FAT3: variants seen among roughly 807,000 people sequenced by gnomAD.
FAT3 encodes the protein protocadherin Fat 3.
A neutral mutation model predicts 310.2 loss-of-function variants in FAT3; 95 were observed. The observed-to-expected ratio is 0.31, with a 90% CI of 0.26 to 0.36. FAT3 has a LOEUF of 0.36. Among genes scored for constraint, FAT3 ranks in the 10% least tolerant of loss-of-function variants. The probability of loss-of-function intolerance (pLI) is 1.00; values close to 1 mark genes in which losing one functional copy is unlikely to be tolerated. For synonymous variants in FAT3, 2,314 were observed against 2,192.9 expected (o/e 1.06, Z -1.54); for missense variants, 5,408 against 5,715.6 (o/e 0.95, Z 1.74).
At chr11:92,316,750 G>T (rs1298298680) in intron 1 of FAT3, among the ~76,000 whole-genome samples, 1 of 152,116 alleles carries the variant, frequency 6.6e-6, no homozygotes, top group African/African-American at 2.4e-5. Flanking sequence ...ACTCTATTTA[G>T]ATCCTAGGTC....
intron 3 of FAT3, among the ~76,000 whole-genome samples, chr11:92,589,224 A>G (rs1326750954): frequency 6.6e-6 from 1 of 152,088 alleles, no homozygotes; most frequent in African/African-American, 2.4e-5. Context: ...TGGAAGTCAC[A>G]TTCCTTTGGC....
At chr11:92,267,008 T>G (rs1475299437) in intron 1 of FAT3, among the ~76,000 whole-genome samples, 5 of 152,170 alleles carry the variant, frequency 3.3e-5, no homozygotes, top group African/African-American at 1.2e-4. Flanking sequence ...ACTTTGCCAC[T>G]GCTCCAGTCT....
chr11:92,598,230 A>ATATATTTT (rs756896313), intron 3 of FAT3, among the ~76,000 whole-genome samples: 7 of 134,450 alleles, frequency 5.2e-5, no homozygotes, highest in African/African-American at 1.7e-4. Flanking sequence ...ATATATATAT[A>ATATATTTT]TTTTTTTTTT....
intron 3 of FAT3, among the ~76,000 whole-genome samples, chr11:92,555,563 A>C (rs554214062): frequency 6.6e-6 from 1 of 152,210 alleles, no homozygotes; most frequent in South Asian, 2.1e-4. Flanking sequence ...CCTTCTGGTC[A>C]TTTCCTTTTC....
intron 2 of FAT3, among the ~76,000 whole-genome samples, chr11:92,454,340 A>G (rs931134130): frequency 3.3e-5 from 5 of 152,182 alleles, no homozygotes; most frequent in African/African-American, 1.2e-4. Flanking sequence ...TCTAGTTGCA[A>G]AAACATGGAT....
At chr11:92,834,291 G>T (rs999237975) in intron 14 of FAT3, among the ~76,000 whole-genome samples, 1 of 152,196 alleles carries the variant, frequency 6.6e-6, no homozygotes, top group African/African-American at 2.4e-5. Flanking sequence ...TGGGCTGTTT[G>T]ATTTCCAGGT....
intron 3 of FAT3, among the ~76,000 whole-genome samples, chr11:92,696,043 A>G (rs960426460): frequency 3.3e-5 from 5 of 152,170 alleles, no homozygotes; most frequent in African/African-American, 1.2e-4. Context: ...GGTGATGGAT[A>G]TGTTAATTCA....
intron 2 of FAT3, among the ~76,000 whole-genome samples, chr11:92,446,532 A>AG (rs1275595181): frequency 6.6e-6 from 1 of 152,214 alleles, no homozygotes; most frequent in African/African-American, 2.4e-5. Context: ...ATATCAAGTT[A>AG]GAATAAGCTT....
chr11:92,444,067 T>TC (rs976602831), intron 2 of FAT3, among the ~76,000 whole-genome samples: 3 of 152,218 alleles, frequency 2.0e-5, no homozygotes, highest in African/African-American at 7.2e-5. Flanking sequence ...GACATTTTTT[T>TC]CTACCAAAAT....
At chr11:92,810,847 G>T (rs924004854) in intron 13 of FAT3, among the ~76,000 whole-genome samples, 5 of 152,172 alleles carry the variant, frequency 3.3e-5, no homozygotes, top group African/African-American at 1.2e-4. Flanking sequence ...CTTCTCGGTT[G>T]TGCATTTTAA....
chr11:92,877,117 G>A (rs1176642310), intron 22 of FAT3, among the ~76,000 whole-genome samples: 1 of 152,152 alleles, frequency 6.6e-6, no homozygotes, highest in African/African-American at 2.4e-5. Flanking sequence ...ACACAGGTTT[G>A]GAGGTGGAAG....
intron 2 of FAT3, among the ~76,000 whole-genome samples, chr11:92,387,062 T>TTGTG (rs1949640544): frequency 9.5e-6 from 1 of 105,752 alleles, no homozygotes; most frequent in Non-Finnish European, 1.8e-5. Context: ...TTATGGGAGC[T>TTGTG]AGTGTGTGTG....
intron 1 of FAT3, among the ~76,000 whole-genome samples, chr11:92,322,564 T>G (rs140155139): frequency 6.6e-6 from 1 of 152,358 alleles, no homozygotes; most frequent in African/African-American, 2.4e-5. Flanking sequence ...AGCAGAACTT[T>G]CAAAATTGGA....
At chr11:92,407,194 C>T (rs1033299576) in intron 2 of FAT3, among the ~76,000 whole-genome samples, 2 of 152,110 alleles carry the variant, frequency 1.3e-5, no homozygotes, top group Non-Finnish European at 2.9e-5. Context: ...ACTATGTTAA[C>T]AAGAGAAAGC....
intron 10 of FAT3, among the ~76,000 whole-genome samples, chr11:92,803,354 C>G (rs1285068928): frequency 6.6e-6 from 1 of 152,168 alleles, no homozygotes; most frequent in Admixed American, 6.5e-5. Context: ...AACTTTTGCT[C>G]TTGATGTAAC....
intron 3 of FAT3, among the ~76,000 whole-genome samples, chr11:92,584,472 CT>C (rs34158813): frequency 0.24 from 36,275 of 151,816 alleles, 5,589 homozygotes; most frequent in African/African-American, 0.44. Context: ...TATTTGACAG[CT>C]TTTTTTCCCC....
intron 4 of FAT3, among the ~76,000 whole-genome samples, chr11:92,732,719 T>C (rs1219266505): frequency 2.0e-5 from 3 of 152,150 alleles, no homozygotes. Context: ...TTTACTAGAA[T>C]TAAAAGAAAT....
chr11:92,301,643 C>G (rs1166396348), intron 1 of FAT3, among the ~76,000 whole-genome samples: 1 of 152,094 alleles, frequency 6.6e-6, no homozygotes, highest in African/African-American at 2.4e-5. Flanking sequence ...TTAGTCTCAA[C>G]TTTGGGGATC....
intron 3 of FAT3, among the ~76,000 whole-genome samples, chr11:92,694,676 G>C (rs1943888456): frequency 6.6e-6 from 1 of 152,198 alleles, no homozygotes; most frequent in South Asian, 2.1e-4. Flanking sequence ...TGTGATGATA[G>C]AGAGTCCCCA....
Sources: gnomAD v4.1 joint callset for allele counts (sites outside exome capture counted in the v4.1 genomes callset) on GRCh38, gnomAD v4.1.1 for gene constraint, MANE v1.5 for transcripts, NCBI Gene and HGNC (gene_info 2026-07-23, HGNC 2026-07-21) for gene names.